Variants in PDZD2 observed in about 807,000 individuals in gnomAD.
PDZD2 encodes PDZ domain-containing protein 2.
Under a neutral mutation model 220.7 loss-of-function variants are expected in PDZD2, and 90 were observed. The ratio of observed to expected loss-of-function variants is 0.41; its 90% CI spans 0.34 to 0.49. The LOEUF is 0.49. PDZD2 is among the 20% of genes least tolerant of loss of function. The pLI is 0.28. For synonymous variants in PDZD2, 1,375 were observed against 1,450.5 expected (o/e 0.95, Z 1.18); for missense variants, 3,174 against 3,608.5 (o/e 0.88, Z 3.08).
intron 2 of PDZD2, among the ~76,000 whole-genome samples, chr5:31,879,911 C>CTTTTT (rs568407359): frequency 8.1e-6 from 1 of 124,160 alleles, no homozygotes; most frequent in Admixed American, 8.7e-5. Flanking sequence ...CAATACCTGC[C>CTTTTT]TTTTTTTTTT....
chr5:32,015,842 A>G (rs978118381), intron 6 of PDZD2, among the ~76,000 whole-genome samples: 6 of 152,032 alleles, frequency 3.9e-5, no homozygotes, highest in African/African-American at 1.4e-4. Context: ...CCCTTTTTAT[A>G]TTTTTAACAA....
chr5:31,841,807 C>T (rs1757322433), intron 2 of PDZD2, among the ~76,000 whole-genome samples: 1 of 151,922 alleles, frequency 6.6e-6, no homozygotes, highest in African/African-American at 2.4e-5. Flanking sequence ...CCCATCTCTA[C>T]TAAAAATACA....
chr5:32,079,760 G>A (rs924996663), intron 19 of PDZD2, among the ~76,000 whole-genome samples: 8 of 151,996 alleles, frequency 5.3e-5, no homozygotes, highest in African/African-American at 1.9e-4. Context: ...GCAGTGAGCC[G>A]AGATCGAGCC....
chr5:31,734,259 A>G (rs1415987824), intron 1 of PDZD2, among the ~76,000 whole-genome samples: 1 of 152,154 alleles, frequency 6.6e-6, no homozygotes, highest in Non-Finnish European at 1.5e-5. Context: ...TCTCCTAAAA[A>G]AACCTCTGAA....
At chr5:31,733,636 T>C (rs1749667186) in intron 1 of PDZD2, among the ~76,000 whole-genome samples, 1 of 152,186 alleles carries the variant, frequency 6.6e-6, no homozygotes, top group Non-Finnish European at 1.5e-5. Context: ...AAGCTTTGCC[T>C]TCTGGTGGCC....
chr5:31,900,784 A>G (rs1448514871), intron 2 of PDZD2, among the ~76,000 whole-genome samples: 1 of 152,052 alleles, frequency 6.6e-6, no homozygotes, highest in Non-Finnish European at 1.5e-5. Context: ...TCCTTCCTTG[A>G]ATTTTTGTTT....
At chr5:32,077,347 T>C in intron 18 of PDZD2, 115 bp from the exon 19 acceptor site, 4 of 995,072 alleles carry the variant, frequency 4.0e-6, no homozygotes, top group Non-Finnish European at 6.2e-6. Flanking sequence ...TGGCTCCTAG[T>C]CCAGGGCCCC....
intron 7 of PDZD2, among the ~76,000 whole-genome samples, chr5:32,045,342 C>T (rs1282061162): frequency 6.6e-6 from 1 of 152,110 alleles, no homozygotes; most frequent in African/African-American, 2.4e-5. Context: ...TTACTTCATA[C>T]CCCTTTTTTG....
chr5:31,807,387 G>A (rs376932305), intron 2 of PDZD2, among the ~76,000 whole-genome samples: 4 of 152,340 alleles, frequency 2.6e-5, no homozygotes, highest in African/African-American at 9.6e-5. Flanking sequence ...CCCTAAAGGG[G>A]TTGTTGAGTG....
chr5:31,678,986 C>G (rs752859599), intron 1 of PDZD2, among the ~76,000 whole-genome samples: 36 of 152,246 alleles, frequency 2.4e-4, no homozygotes, highest in Non-Finnish European at 5.1e-4. Context: ...GGTAATTCTC[C>G]CCACTCAACT....
intron 2 of PDZD2, among the ~76,000 whole-genome samples, chr5:31,842,919 T>A (rs1050387164): frequency 6.6e-6 from 1 of 152,172 alleles, no homozygotes; most frequent in Admixed American, 6.5e-5. Flanking sequence ...TTTGCTTTTG[T>A]TGCCCAGGCT....
At chr5:31,858,905 G>T (rs1435203647) in intron 2 of PDZD2, among the ~76,000 whole-genome samples, 1 of 152,034 alleles carries the variant, frequency 6.6e-6, no homozygotes, top group South Asian at 2.1e-4. Flanking sequence ...CTTTAGTAGA[G>T]TCGGGGTTTC....
At chr5:31,777,111 G>A (rs1752709046) in intron 1 of PDZD2, among the ~76,000 whole-genome samples, 1 of 152,290 alleles carries the variant, frequency 6.6e-6, no homozygotes, top group African/African-American at 2.4e-5. Context: ...AGGGAGAGGT[G>A]CGGCCAGGAA....
At chr5:31,664,457 C>CACAG (rs1188285828) in intron 1 of PDZD2, among the ~76,000 whole-genome samples, 134 of 147,130 alleles carry the variant, frequency 9.1e-4, no homozygotes, top group African/African-American at 2.8e-3. Context: ...TGCATACACA[C>CACAG]ACACACACAC....
rs772025063 is a variant in PDZD2, at chr5:32,058,118, TC to T, written c.2200+17del. ...ACTCAACAAAGGTGATAGCAGCTAT[TC>T]CTTACCTTTGTCTCATTTCTTGAAT... is the stretch of plus-strand genomic sequence containing the variant. On this transcript the variant is annotated intron_variant, in intron 12 of 24. Coordinates refer to ENST00000438447, the MANE Select transcript of PDZD2 (RefSeq NM_178140.4). 2 of 1,238,730 alleles carry T rather than the reference TC, an allele frequency of 1.6e-6. No homozygotes were observed. Among genetic ancestry groups the T allele is most frequent in the South Asian group, 2.4e-5 (2 of 83,474 alleles). The allele number at this position is 1,238,730 out of a possible 1,614,324, so 76.7% of individuals were successfully genotyped here.
At chr5:31,701,205 AT>A (rs11447721) in intron 1 of PDZD2, among the ~76,000 whole-genome samples, 13 of 131,344 alleles carry the variant, frequency 9.9e-5, no homozygotes, top group African/African-American at 2.9e-4. Context: ...ATATATATAT[AT>A]TTTTTTTTGA....
intron 1 of PDZD2, among the ~76,000 whole-genome samples, chr5:31,720,150 T>C (rs905837928): frequency 1.3e-5 from 2 of 152,218 alleles, no homozygotes; most frequent in Non-Finnish European, 2.9e-5. Context: ...CAGAAGACAA[T>C]TGCTTCTCCA....
intron 1 of PDZD2, among the ~76,000 whole-genome samples, chr5:31,696,075 A>G (rs1186996452): frequency 1.3e-5 from 2 of 151,974 alleles, no homozygotes; most frequent in Non-Finnish European, 2.9e-5. Flanking sequence ...AGCAAAACAA[A>G]TGCCCCACCA....
rs141443640 is a variant in PDZD2 at position 31,777,470 on chromosome 5, C to T, written c.-360-21419C>T. ...CGCCCCCTGCTCCGTGGCGCCTGGGCCCATCGACCATCCAAGGGCTGAGGG... is the reference window on the plus strand; with the variant it reads ...CGCCCCCTGCTCCGTGGCGCCTGGGTCCATCGACCATCCAAGGGCTGAGGG... On this transcript the variant is annotated intron_variant, in intron 1 of 24. Transcript: ENST00000438447. Among the ~76,000 whole-genome samples the T allele has an allele frequency of 3.8e-3, 575 of 152,222 alleles. 2 individuals carry two copies. The highest frequency in any genetic ancestry group is 6.5e-3 in the Non-Finnish European group (445 of 68,004).
Sources: allele counts gnomAD v4.1 joint callset (sites outside exome capture counted in the v4.1 genomes callset), GRCh38; gene constraint gnomAD v4.1.1; transcripts MANE v1.5; gene names NCBI Gene and HGNC (gene_info 2026-07-23, HGNC 2026-07-21).